The following PACRG variants were observed in gnomAD, a reference collection of about 807,000 sequenced individuals.
PACRG encodes parkin coregulated.
PACRG carries 29 observed loss-of-function variants against 29.7 expected under a neutral mutation model. The ratio of observed to expected loss-of-function variants is 0.98; its 90% CI spans 0.73 to 1.33. PACRG has a LOEUF of 1.33. PACRG is among the 40% of genes most tolerant of loss of function. The pLI is 0.00. For missense variants in PACRG, 279 were observed against 316.2 expected (o/e 0.88, Z 0.89); for synonymous variants, 116 against 118.7 (o/e 0.98, Z 0.15).
chr6:163,116,462 G>A (rs1272489962), intron 4 of PACRG, among the ~76,000 whole-genome samples: 3 of 152,094 alleles, frequency 2.0e-5, no homozygotes, highest in African/African-American at 4.8e-5. Context: ...TCAAATGGGG[G>A]GGATGTGTCT....
intron 4 of PACRG, among the ~76,000 whole-genome samples, chr6:163,262,730 G>C (rs905172880): frequency 6.6e-6 from 1 of 151,810 alleles, no homozygotes; most frequent in African/African-American, 2.4e-5. Flanking sequence ...GAAACAAATG[G>C]ATCACTGGCT....
intron 4 of PACRG, among the ~76,000 whole-genome samples, chr6:163,208,707 G>A (rs1415247035): frequency 1.3e-5 from 2 of 152,132 alleles, no homozygotes; most frequent in Admixed American, 1.3e-4. Flanking sequence ...GGAATAAAAT[G>A]TGAACTAACT....
chr6:163,225,588 G>A (rs534673714), intron 4 of PACRG, among the ~76,000 whole-genome samples: 1 of 152,190 alleles, frequency 6.6e-6, no homozygotes, highest in South Asian at 2.1e-4. Context: ...TGGAAAAAGA[G>A]GACCCTTACG....
chr6:163,271,678 A>G (rs1783837613), intron 4 of PACRG, among the ~76,000 whole-genome samples: 1 of 152,212 alleles, frequency 6.6e-6, no homozygotes. Flanking sequence ...GTTTGCCCGC[A>G]TATTTTAATG....
chr6:162,757,562 G>C (rs1408342978), intron 1 of PACRG, among the ~76,000 whole-genome samples: 1 of 152,062 alleles, frequency 6.6e-6, no homozygotes, highest in Admixed American at 6.5e-5. Context: ...ACAAAAATTA[G>C]CCGGGCGTGT....
chr6:163,159,734 C>T (rs551886265), intron 4 of PACRG, among the ~76,000 whole-genome samples: 3 of 152,168 alleles, frequency 2.0e-5, no homozygotes, highest in African/African-American at 4.8e-5. Flanking sequence ...AGTGTTCTCT[C>T]GGTCATTTCA....
chr6:162,856,842 C>T (rs751528040), intron 2 of PACRG, among the ~76,000 whole-genome samples: 4 of 152,142 alleles, frequency 2.6e-5, no homozygotes, highest in African/African-American at 4.8e-5. Context: ...AAGCTTATTT[C>T]CCCCTGAATT....
At chr6:163,309,822 G>A (rs370424691) in intron 4 of PACRG, among the ~76,000 whole-genome samples, 2 of 152,236 alleles carry the variant, frequency 1.3e-5, no homozygotes, top group East Asian at 1.9e-4. Context: ...TTGAGAGTGC[G>A]ATGCTGCCGC....
At chr6:162,990,275 A>C (rs968191105) in intron 2 of PACRG, among the ~76,000 whole-genome samples, 7 of 151,776 alleles carry the variant, frequency 4.6e-5, no homozygotes, top group Admixed American at 2.6e-4. Context: ...GGCTGGGTCA[A>C]ATGGTATTTC....
Position 162,761,107 on chromosome 6 carries a change from C to G in PACRG, c.156+32716C>G, listed in dbSNP as rs139624358. On this transcript the variant is annotated intron_variant, in intron 1 of 4. Coordinates refer to ENST00000366888, the MANE Select transcript of PACRG (RefSeq NM_001080379.2). ...CAGTGTCCTCATGGTGGCTGATGCCCCAGCCCGCCTCGTGTGATTAGATAG... is the reference window on the plus strand; with the variant it reads ...CAGTGTCCTCATGGTGGCTGATGCCGCAGCCCGCCTCGTGTGATTAGATAG... Among the ~76,000 whole-genome samples, 355 of 152,200 alleles carry G rather than the reference C, an allele frequency of 2.3e-3. 2 individuals are homozygous for G. The highest frequency in any genetic ancestry group is 8.3e-3 in the African/African-American group (344 of 41,526).
chr6:162,885,368 C>A (rs1794244334), intron 2 of PACRG, among the ~76,000 whole-genome samples: 1 of 151,810 alleles, frequency 6.6e-6, no homozygotes, highest in Admixed American at 6.6e-5. Flanking sequence ...CACCTGGGTT[C>A]AAGCGATTCT....
intron 4 of PACRG, among the ~76,000 whole-genome samples, chr6:163,247,077 G>A (rs1782725334): frequency 6.6e-6 from 1 of 152,168 alleles, no homozygotes; most frequent in African/African-American, 2.4e-5. Context: ...ATCATTAAGG[G>A]GCTGAGTTCA....
intron 4 of PACRG, among the ~76,000 whole-genome samples, chr6:163,136,132 G>A (rs939146891): frequency 6.6e-6 from 1 of 152,076 alleles, no homozygotes; most frequent in Non-Finnish European, 1.5e-5. Context: ...TCCTCTCTTT[G>A]TGATTTCGGA....
intron 4 of PACRG, among the ~76,000 whole-genome samples, chr6:163,313,049 T>C (rs1785496596): frequency 6.6e-6 from 1 of 151,894 alleles, no homozygotes; most frequent in Admixed American, 6.6e-5. Flanking sequence ...AGTCACTGTA[T>C]CCAGCATCTC....
chr6:163,254,497 C>CAGG (rs1444072904), intron 4 of PACRG, among the ~76,000 whole-genome samples: 14 of 152,174 alleles, frequency 9.2e-5, no homozygotes, highest in African/African-American at 3.4e-4. Context: ...AATTGTGAAC[C>CAGG]AGGACCTGAG....
intron 1 of PACRG, among the ~76,000 whole-genome samples, chr6:162,743,093 T>C (rs1000676697): frequency 6.6e-6 from 1 of 152,182 alleles, no homozygotes; most frequent in Admixed American, 6.5e-5. Flanking sequence ...CTCATTATGC[T>C]TTTAAATTAC....
intron 2 of PACRG, among the ~76,000 whole-genome samples, chr6:162,997,776 A>G (rs548860166): frequency 6.6e-6 from 1 of 152,354 alleles, no homozygotes; most frequent in South Asian, 2.1e-4. Context: ...GTAACATTGG[A>G]CATCTTTTGC....
rs550241509 is a variant in PACRG at position 163,198,522 on chromosome 6, A to G, written c.613+109114A>G. Among the ~76,000 whole-genome samples, 6 of 152,286 alleles carry G rather than the reference A, an allele frequency of 3.9e-5. No individual in the cohort carries two copies. The South Asian group carries it at 8.3e-4, about 21-fold the overall frequency. On this transcript the variant is annotated intron_variant, in intron 4 of 4. Coordinates refer to ENST00000366888, the MANE Select transcript of PACRG (RefSeq NM_001080379.2). ...CAAATGATGAAAGTGAGGCCCAGAG[A>G]TGTTAATTTGCCCAGGGTCACACAG...
At chr6:163,279,120 C>T (rs1311938810) in intron 4 of PACRG, among the ~76,000 whole-genome samples, 1 of 152,006 alleles carries the variant, frequency 6.6e-6, no homozygotes, top group Non-Finnish European at 1.5e-5. Flanking sequence ...GTTGAGTTCC[C>T]GATTTGATTC....
Sources: allele counts gnomAD v4.1 joint callset (sites outside exome capture counted in the v4.1 genomes callset), GRCh38; gene constraint gnomAD v4.1.1; transcripts MANE v1.5; gene names NCBI Gene and HGNC (gene_info 2026-07-23, HGNC 2026-07-21).